The following ZNF236 variants were observed in gnomAD, a reference collection of about 807,000 sequenced individuals.
The protein encoded by ZNF236 is zinc finger protein 236, also known as regulated by glucose.
Under a neutral mutation model 191.2 loss-of-function variants are expected in ZNF236, and 50 were observed. The observed-to-expected ratio is 0.26, with a 90% CI of 0.21 to 0.33. The LOEUF (loss-of-function observed/expected upper bound fraction) is 0.33, where lower values mean the gene tolerates loss of function less well. Among genes scored for constraint, ZNF236 ranks in the 10% least tolerant of loss-of-function variants. ZNF236 has a pLI of 1.00. For synonymous variants in ZNF236, 907 were observed against 928.8 expected (o/e 0.98, Z 0.43); for missense variants, 1,754 against 2,374.5 (o/e 0.74, Z 5.43).
At chr18:76,841,651 G>C (rs1284884032) in intron 1 of ZNF236, among the ~76,000 whole-genome samples, 1 of 145,306 alleles carries the variant, frequency 6.9e-6, no homozygotes, top group Non-Finnish European at 1.5e-5. Context: ...TTTGTCTGTC[G>C]TTTTTACACT....
In ZNF236 at chr18:76,952,134, A is replaced by T. The variant is rs904288352; in HGVS notation, c.4915-3851A>T. Among the ~76,000 whole-genome samples, 4 of 151,576 alleles carry T rather than the reference A, an allele frequency of 2.6e-5. No individual in the cohort carries two copies. In the East Asian group the frequency reaches 6.0e-4, roughly 23 times the overall value. On this transcript the variant is annotated intron_variant, in intron 27 of 30. Transcript: ENST00000320610. ...AATGTGACACACACACGAACTGAGC[A>T]TGTGCCGTTGGAAAAATGGCACCAG...
chr18:76,940,257 G>A (rs75183601), intron 26 of ZNF236, among the ~76,000 whole-genome samples: 5 of 123,698 alleles, frequency 4.0e-5, no homozygotes, highest in African/African-American at 1.6e-4. Context: ...CACGGTGGGC[G>A]ACCCTAGCAC....
chr18:76,904,733 T>C (rs913218175), intron 12 of ZNF236, among the ~76,000 whole-genome samples: 16 of 152,254 alleles, frequency 1.1e-4, no homozygotes, highest in Admixed American at 5.2e-4. Flanking sequence ...AGTTTATGTA[T>C]ATGCTCATTA....
chr18:76,910,010 G>T, intron 14 of ZNF236, 58 bp from the exon 15 acceptor site: 1 of 1,313,486 alleles, frequency 7.6e-7, no homozygotes, highest in South Asian at 1.2e-5. Flanking sequence ...GGACAGATTT[G>T]CAGTTGTGAA....
chr18:76,969,109 C>T lies in ZNF236; in HGVS notation c.*770C>T. 4.1e-6 allele frequency: 2 copies of T among 493,112 alleles called. No individual in the cohort carries two copies. The highest frequency in any genetic ancestry group is 2.6e-6 in the Non-Finnish European group (1 of 379,300). 30.5% of individuals were successfully genotyped at this position (493,112 alleles called of 1,614,324 possible). ...AATTGCAGAAGCACAAGCCATACAT[C>T]GCAGGTAGGAAACCACAGAACCGTC... On this transcript the variant is annotated 3_prime_UTR_variant, in exon 31 of 31. Coordinates refer to ENST00000320610, the MANE Select transcript of ZNF236 (RefSeq NM_001306089.2).
chr18:76,938,759 C>T (rs1041162081), intron 26 of ZNF236, among the ~76,000 whole-genome samples: 2 of 152,176 alleles, frequency 1.3e-5, no homozygotes, highest in Admixed American at 1.3e-4. Flanking sequence ...TCACTGGACA[C>T]AGGGGCTCCC....
intron 9 of ZNF236, among the ~76,000 whole-genome samples, chr18:76,883,117 G>A (rs1295307535): frequency 6.6e-6 from 1 of 152,050 alleles, no homozygotes; most frequent in Non-Finnish European, 1.5e-5. Flanking sequence ...TCACCCGCAT[G>A]TGCTGGTGAA....
intron 1 of ZNF236, among the ~76,000 whole-genome samples, chr18:76,833,975 G>C (rs1271941457): frequency 6.6e-6 from 1 of 152,176 alleles, no homozygotes; most frequent in Admixed American, 6.5e-5. Flanking sequence ...ACAGGCATGA[G>C]CCACCATGAC....
chr18:76,873,732 A>G (rs1181400133), intron 5 of ZNF236, among the ~76,000 whole-genome samples: 1 of 152,192 alleles, frequency 6.6e-6, no homozygotes, highest in Non-Finnish European at 1.5e-5. Flanking sequence ...TAGAACAGGA[A>G]GGGTATCTCT....
At chr18:76,830,968 A>T (rs1975153833) in intron 1 of ZNF236, among the ~76,000 whole-genome samples, 1 of 152,204 alleles carries the variant, frequency 6.6e-6, no homozygotes. Flanking sequence ...CCCAAAATTG[A>T]GCAGATAATA....
chr18:76,917,581 A>G (rs1967406007), intron 19 of ZNF236, among the ~76,000 whole-genome samples: 1 of 152,162 alleles, frequency 6.6e-6, no homozygotes, highest in Non-Finnish European at 1.5e-5. Flanking sequence ...CCAAACCTAG[A>G]GACTTGGATA....
At chr18:76,957,196 A>G (rs1968545018) in intron 28 of ZNF236, among the ~76,000 whole-genome samples, 1 of 152,118 alleles carries the variant, frequency 6.6e-6, no homozygotes, top group Admixed American at 6.5e-5. Flanking sequence ...TTGTCTTTTA[A>G]TGAGTGTAGG....
At chr18:76,959,077 T>C (rs1481382801) in intron 28 of ZNF236, among the ~76,000 whole-genome samples, 1 of 152,272 alleles carries the variant, frequency 6.6e-6, no homozygotes, top group Non-Finnish European at 1.5e-5. Flanking sequence ...GTCACGTGAA[T>C]GCAGTATCTC....
At chr18:76,822,859 C>G (rs1974894586) in intron 1 of ZNF236, among the ~76,000 whole-genome samples, 197 bp downstream of exon 1, 1 of 147,334 alleles carries the variant, frequency 6.8e-6, no homozygotes, top group Non-Finnish European at 1.5e-5. Context: ...GAGTCGCCGC[C>G]CGGCCCCTCC....
intron 30 of ZNF236, among the ~76,000 whole-genome samples, chr18:76,964,298 A>G (rs1440820037): frequency 6.6e-6 from 1 of 152,158 alleles, no homozygotes; most frequent in Non-Finnish European, 1.5e-5. Context: ...TTTAATTTCT[A>G]TCTTGATTTC....
intron 1 of ZNF236, chr18:76,824,197 T>C: frequency 2.4e-5 from 16 of 667,062 alleles, no homozygotes; most frequent in South Asian, 2.3e-4. Flanking sequence ...ATTTTGTGTT[T>C]AGGAAGAAAG....
At chr18:76,840,185 G>A (rs1042539169) in intron 1 of ZNF236, among the ~76,000 whole-genome samples, 33 of 152,112 alleles carry the variant, frequency 2.2e-4, no homozygotes, top group Admixed American at 1.4e-3. Flanking sequence ...AAAGGGGGTC[G>A]ATGTTTCTTT....
chr18:76,928,206 C>T (rs547780212), intron 25 of ZNF236, 100 bp downstream of exon 25: 14 of 886,464 alleles, frequency 1.6e-5, no homozygotes, highest in East Asian at 6.3e-5. Context: ...GCATAAAGCC[C>T]GTGCTCAATA....
intron 10 of ZNF236, chr18:76,895,487 C>A: frequency 1.4e-6 from 1 of 705,334 alleles, no homozygotes. Flanking sequence ...ACCGGTACTG[C>A]CCACAGGGAC....
Sources: gnomAD v4.1 joint callset for allele counts (sites outside exome capture counted in the v4.1 genomes callset) on GRCh38, gnomAD v4.1.1 for gene constraint, MANE v1.5 for transcripts, NCBI Gene and HGNC (gene_info 2026-07-23, HGNC 2026-07-21) for gene names.